The following PHEX variants were observed in gnomAD, a reference collection of about 807,000 sequenced individuals.
PHEX encodes the protein phosphate-regulating neutral endopeptidase PHEX.
A neutral mutation model predicts 68.0 loss-of-function variants in PHEX; 16 were observed. The observed-to-expected ratio is 0.24, with a 90% confidence interval of 0.16 to 0.36. The LOEUF (loss-of-function observed/expected upper bound fraction) is 0.36. PHEX is among the 10% of genes least tolerant of loss of function. The pLI is 1.00. For missense variants in PHEX, 480 were observed against 575.5 expected (o/e 0.83, Z 1.70); for synonymous variants, 208 against 205.1 (o/e 1.01, Z -0.12).
At chrX:22,099,230 G>A in intron 9 of PHEX, 79 bp downstream of exon 9, 2 of 938,649 alleles carry the variant, frequency 2.1e-6, no homozygotes, top group Non-Finnish European at 3.1e-6. Flanking sequence ...CACATCCTTT[G>A]AAAACTGTTT....
chrX:22,170,007 C>T (rs932126094), intron 13 of PHEX, among the ~76,000 whole-genome samples: 1 of 112,066 alleles, frequency 8.9e-6, no homozygotes, highest in African/African-American at 3.2e-5. Flanking sequence ...ATTTGTGGTC[C>T]ATTTTCAAAT....
intron 20 of PHEX, among the ~76,000 whole-genome samples, chrX:22,239,345 C>G: frequency 9.0e-6 from 1 of 111,185 alleles, no homozygotes; most frequent in African/African-American, 3.3e-5. Context: ...AGGATCACAA[C>G]TCCTCGCCAG....
intron 2 of PHEX, among the ~76,000 whole-genome samples, chrX:22,040,968 G>A (rs920628743): frequency 1.2e-4 from 13 of 109,259 alleles, no homozygotes; most frequent in African/African-American, 4.0e-4. Flanking sequence ...TACGCCAGGT[G>A]ACAGACGATG....
In PHEX at chrX:22,112,833, G is replaced by A. The variant is rs1931038134; in HGVS notation, c.1173+1273G>A. ...CAGGAGAATTGCTTGAATCCGGGAG[G>A]CGGAGGCTACAGTGAACTGAGATGA... is the stretch of plus-strand genomic sequence containing the variant. On this transcript the variant is annotated intron_variant, in intron 10 of 21. Coordinates refer to ENST00000379374, the MANE Select transcript of PHEX (RefSeq NM_000444.6). Among the ~76,000 whole-genome samples, 3 of 110,764 alleles carry A rather than the reference G, an allele frequency of 2.7e-5. No individual in the cohort carries two copies. The South Asian group carries it at 1.2e-3, about 43-fold the overall frequency.
intron 3 of PHEX, among the ~76,000 whole-genome samples, chrX:22,052,688 A>G (rs1927890605): frequency 9.0e-6 from 1 of 111,467 alleles, no homozygotes; most frequent in Non-Finnish European, 1.9e-5. Context: ...TGGGCCAATT[A>G]CTGATCTCAC....
chrX:22,062,071 G>A (rs1928391482), intron 3 of PHEX, among the ~76,000 whole-genome samples: 1 of 111,092 alleles, frequency 9.0e-6, no homozygotes, highest in African/African-American at 3.3e-5. Flanking sequence ...TCACTATCAC[G>A]AGAACAGCAT....
chrX:22,173,966 A>C (rs1429433602), intron 13 of PHEX, among the ~76,000 whole-genome samples: 1 of 112,173 alleles, frequency 8.9e-6, no homozygotes, highest in Non-Finnish European at 1.9e-5. Context: ...TATCCTACAG[A>C]GAAGCTGAAC....
chrX:22,241,706 T>TCC (rs1936202822), intron 20 of PHEX, among the ~76,000 whole-genome samples: 1 of 111,911 alleles, frequency 8.9e-6, no homozygotes, highest in East Asian at 2.8e-4. Flanking sequence ...ACATACACCC[T>TCC]CCCAAGACTA....
At chrX:22,038,585 T>G in intron 2 of PHEX, 48 bp downstream of exon 2, 2 of 807,686 alleles carry the variant, frequency 2.5e-6, no homozygotes, top group South Asian at 2.0e-5. Context: ...TATGGTACCT[T>G]GGGAAGTGGA....
At chrX:22,099,565 T>C (rs1197333123) in intron 9 of PHEX, among the ~76,000 whole-genome samples, 3 of 109,863 alleles carry the variant, frequency 2.7e-5, no homozygotes, top group Non-Finnish European at 3.8e-5. Context: ...GGCAATAAAC[T>C]AAAGTAACTG....
rs771804591 is a variant in PHEX, at chrX:22,234,427, C to G, written c.2070+6816C>G. ...AGATGGGAGTTTTATCTATAATTCCCTGACTGGGGCTGTTGCCTTTTTTTT... is the reference window on the plus strand; with the variant it reads ...AGATGGGAGTTTTATCTATAATTCCGTGACTGGGGCTGTTGCCTTTTTTTT... On this transcript the variant is annotated intron_variant, in intron 20 of 21. Coordinates refer to ENST00000379374, the MANE Select transcript of PHEX (RefSeq NM_000444.6). Among the ~76,000 whole-genome samples the G allele has an allele frequency of 1.2e-3, 136 of 110,946 alleles. 1 individual carries two copies. The highest frequency in any genetic ancestry group is 3.0e-4 in the Non-Finnish European group (16 of 52,988).
intron 9 of PHEX, among the ~76,000 whole-genome samples, chrX:22,101,356 A>G (rs1930416026): frequency 8.9e-6 from 1 of 111,812 alleles, no homozygotes; most frequent in South Asian, 3.7e-4. Context: ...ATGTTTTTTC[A>G]TTGATGATCG....
At chrX:22,079,999 A>T (rs1929319564) in intron 5 of PHEX, among the ~76,000 whole-genome samples, 1 of 111,531 alleles carries the variant, frequency 9.0e-6, no homozygotes, top group African/African-American at 3.3e-5. Flanking sequence ...CCTAATATCA[A>T]TGATAGCATT....
intron 19 of PHEX, among the ~76,000 whole-genome samples, chrX:22,227,158 A>T (rs1417316644): frequency 8.9e-6 from 1 of 112,612 alleles, no homozygotes; most frequent in East Asian, 2.8e-4. Flanking sequence ...TCAAAATGAA[A>T]AAAGGTAATA....
intron 14 of PHEX, among the ~76,000 whole-genome samples, chrX:22,186,269 G>A (rs1205534821): frequency 8.9e-6 from 1 of 111,893 alleles, no homozygotes; most frequent in Non-Finnish European, 1.9e-5. Context: ...GGGAGGGAGG[G>A]TGTGTTTGTA....
intron 5 of PHEX, among the ~76,000 whole-genome samples, chrX:22,084,316 ACTATC>A (rs943095167): frequency 9.0e-6 from 1 of 111,560 alleles, no homozygotes; most frequent in Non-Finnish European, 1.9e-5. Context: ...TGTATGTTGA[ACTATC>A]CTGGCATCCC....
At chrX:22,232,647 A>G (rs1195855672) in intron 20 of PHEX, among the ~76,000 whole-genome samples, 1 of 52,610 alleles carries the variant, frequency 1.9e-5, no homozygotes, top group Non-Finnish European at 3.5e-5. Flanking sequence ...TGCTTGGTAA[A>G]TATTCCTCCA....
chrX:22,036,147 C>T (rs1486268867), intron 1 of PHEX, among the ~76,000 whole-genome samples: 1 of 102,850 alleles, frequency 9.7e-6, no homozygotes, highest in Non-Finnish European at 2.0e-5. Context: ...ACAACCTCCG[C>T]CTCCTGGGTT....
At chrX:22,090,390 A>G in intron 5 of PHEX, 39 bp from the exon 6 acceptor site, 2 of 1,083,476 alleles carry the variant, frequency 1.8e-6, no homozygotes, top group Non-Finnish European at 2.6e-6. Flanking sequence ...GTAAGAATTT[A>G]CAGTGCTAGC....
Sources: gnomAD v4.1 joint callset for allele counts (sites outside exome capture counted in the v4.1 genomes callset) on GRCh38, gnomAD v4.1.1 for gene constraint, MANE v1.5 for transcripts, NCBI Gene and HGNC (gene_info 2026-07-23, HGNC 2026-07-21) for gene names.